Variants in STK32B observed in about 807,000 individuals in gnomAD.
STK32B encodes serine/threonine-protein kinase 32B.
In STK32B, 43 loss-of-function variants were observed where a neutral mutation model predicts 52.6. The observed-to-expected ratio is 0.82, with a 90% CI of 0.64 to 1.05. STK32B has a LOEUF of 1.05. Among genes scored for constraint, STK32B ranks in the 50% least tolerant of loss-of-function variants. The pLI is 0.00. For synonymous variants in STK32B, 238 were observed against 204.3 expected, an observed-to-expected ratio of 1.17 and a Z score of -1.41; for missense variants, 621 against 534.6, an observed-to-expected ratio of 1.16 and a Z score of -1.59.
At chr4:5,093,951 T>C (rs981506507) in intron 1 of STK32B, among the ~76,000 whole-genome samples, 3 of 152,204 alleles carry the variant, frequency 2.0e-5, no homozygotes. Flanking sequence ...TTGCTTGATA[T>C]ATACCATAGA....
At chr4:5,336,399 G>A (rs559232292) in intron 4 of STK32B, among the ~76,000 whole-genome samples, 98 of 152,084 alleles carry the variant, frequency 6.4e-4, no homozygotes, top group African/African-American at 2.3e-3. Flanking sequence ...CAGACATCCA[G>A]GGAAATCTTC....
At chr4:5,074,775 T>C (rs1711979912) in intron 1 of STK32B, among the ~76,000 whole-genome samples, 1 of 152,192 alleles carries the variant, frequency 6.6e-6, no homozygotes, top group Non-Finnish European at 1.5e-5. Context: ...CTGAGGAGTG[T>C]TGAGTTTTAT....
the STK32B span, among the ~76,000 whole-genome samples, chr4:5,035,991 A>G: frequency 1.8e-4 from 28 of 152,150 alleles, no homozygotes; most frequent in African/African-American, 4.3e-4. Flanking sequence ...CATGTTGTTC[A>G]GGCTGGTTTT....
At chr4:5,355,865 C>G (rs1175118709) in intron 4 of STK32B, among the ~76,000 whole-genome samples, 1 of 152,170 alleles carries the variant, frequency 6.6e-6, no homozygotes, top group African/African-American at 2.4e-5. Flanking sequence ...TCAAGCACCA[C>G]TTTATTTATA....
intron 4 of STK32B, among the ~76,000 whole-genome samples, chr4:5,366,907 G>T (rs1028586972): frequency 8.5e-5 from 13 of 152,092 alleles, no homozygotes; most frequent in African/African-American, 3.1e-4. Context: ...CCACTACCTG[G>T]TTTGTTGCAT....
At position 5,394,220 on chromosome 4, in the gene STK32B, G is replaced by A. The variant is rs1267195220; in HGVS notation, c.435-3987G>A. Among the ~76,000 whole-genome samples, 1 of 152,048 alleles carries A rather than the reference G, an allele frequency of 6.6e-6. No homozygotes were observed. Among genetic ancestry groups the A allele is most frequent in the Non-Finnish European group, 1.5e-5 (1 of 68,016 alleles). On this transcript the variant is annotated intron_variant, in intron 4 of 11. Transcript: ENST00000282908. The surrounding 1 kb of genome is among the most constrained non-coding windows in gnomAD (Gnocchi z 4.2). Reference sequence around the variant, plus strand: ...GGGGAATAATTCAAGAGCAGCACCGGGTTTTATAGCCCTGCATGCGTACTT... The same window carrying A: ...GGGGAATAATTCAAGAGCAGCACCGAGTTTTATAGCCCTGCATGCGTACTT...
At chr4:5,493,874 T>C (rs972715817) in intron 11 of STK32B, among the ~76,000 whole-genome samples, 1 of 152,268 alleles carries the variant, frequency 6.6e-6, no homozygotes. Flanking sequence ...TCAGTTTCCA[T>C]GTAGTTGAGT....
chr4:5,260,951 T>C (rs1396667579), intron 3 of STK32B, among the ~76,000 whole-genome samples: 1 of 152,094 alleles, frequency 6.6e-6, no homozygotes, highest in Non-Finnish European at 1.5e-5. Context: ...AGAGTTGTCC[T>C]GAGTTGAGGT....
the STK32B span, among the ~76,000 whole-genome samples, chr4:5,034,400 C>T: frequency 3.3e-5 from 5 of 152,190 alleles, no homozygotes; most frequent in Admixed American, 2.0e-4. Flanking sequence ...GCTGGGCCTC[C>T]GGACACACAG....
chr4:5,408,903 T>A (rs1378855164), intron 5 of STK32B, among the ~76,000 whole-genome samples: 1 of 152,124 alleles, frequency 6.6e-6, no homozygotes, highest in Non-Finnish European at 1.5e-5. Flanking sequence ...ATTTTACTTG[T>A]CGGAGCTTCA....
intron 3 of STK32B, among the ~76,000 whole-genome samples, chr4:5,288,219 T>A (rs28895973): frequency 0.071 from 10,855 of 152,260 alleles, 425 homozygotes; most frequent in South Asian, 0.098. Context: ...CAGGTTTTTG[T>A]GTGGGCATGT....
intron 4 of STK32B, among the ~76,000 whole-genome samples, chr4:5,371,439 G>T (rs538224808): frequency 2.6e-5 from 4 of 152,178 alleles, no homozygotes; most frequent in Non-Finnish European, 4.4e-5. Context: ...CCAAAGATGG[G>T]TCTCGAGGAT....
At chr4:5,181,522 C>G (rs868180625) in intron 3 of STK32B, among the ~76,000 whole-genome samples, 1 of 152,194 alleles carries the variant, frequency 6.6e-6, no homozygotes, top group African/African-American at 2.4e-5. Context: ...TAATAAAGGT[C>G]TCCACTATTA....
intron 3 of STK32B, among the ~76,000 whole-genome samples, chr4:5,196,151 G>A (rs571037563): frequency 6.6e-6 from 1 of 152,152 alleles, no homozygotes; most frequent in African/African-American, 2.4e-5. Context: ...GAGAGGGAGG[G>A]AGTGGTGTTC....
At chr4:5,368,883 G>T (rs1215587673) in intron 4 of STK32B, among the ~76,000 whole-genome samples, 1 of 152,156 alleles carries the variant, frequency 6.6e-6, no homozygotes, top group Non-Finnish European at 1.5e-5. Context: ...GCAGAGGAGG[G>T]GTTGCTTTCC....
chr4:5,245,439 T>C (rs1413425681), intron 3 of STK32B, among the ~76,000 whole-genome samples: 2 of 152,186 alleles, frequency 1.3e-5, no homozygotes, highest in African/African-American at 4.8e-5. Flanking sequence ...TGGTAGATCT[T>C]CCTCCATCCC....
chr4:5,175,202 C>G (rs1290576820), intron 3 of STK32B, among the ~76,000 whole-genome samples: 1 of 151,596 alleles, frequency 6.6e-6, no homozygotes, highest in East Asian at 2.0e-4. Context: ...AGCCATTCGT[C>G]TAATTTTTTT....
chr4:5,138,720 A>G (rs949445954), intron 1 of STK32B, among the ~76,000 whole-genome samples: 3 of 152,238 alleles, frequency 2.0e-5, no homozygotes, highest in African/African-American at 4.8e-5. Context: ...TTTTGGGGAA[A>G]GTTCCACAGT....
At chr4:5,142,060 C>A (rs913590586) in intron 2 of STK32B, among the ~76,000 whole-genome samples, 1 of 152,142 alleles carries the variant, frequency 6.6e-6, no homozygotes, top group Non-Finnish European at 1.5e-5. Flanking sequence ...AGCTGGGAGA[C>A]GAGCTCTTCC....
Sources: gnomAD v4.1 joint callset for allele counts (sites outside exome capture counted in the v4.1 genomes callset) on GRCh38, gnomAD v4.1.1 for gene constraint, Gnocchi (gnomAD v3.1) non-coding constraint, MANE v1.5 for transcripts, NCBI Gene and HGNC (gene_info 2026-07-23, HGNC 2026-07-21) for gene names.